The following CELF5 variants were observed in gnomAD, a reference collection of about 807,000 sequenced individuals.
CELF5 encodes the protein CUG-BP and ETR-3 like factor 5.
Under a neutral mutation model 54.9 loss-of-function variants are expected in CELF5, and 6 were observed. That is an observed-to-expected ratio of 0.11 (90% CI 0.06 to 0.22). CELF5 has a LOEUF of 0.22. CELF5 is among the 10% of genes least tolerant of loss of function. The probability of loss-of-function intolerance (pLI) is 1.00; values close to 1 mark genes in which losing one functional copy is unlikely to be tolerated. For synonymous variants in CELF5, 271 were observed against 290.9 expected (o/e 0.93, Z 0.70); for missense variants, 401 against 678.6 (o/e 0.59, Z 4.54).
chr19:3,249,050 C>G (rs1012404898), intron 1 of CELF5, among the ~76,000 whole-genome samples: 3 of 151,966 alleles, frequency 2.0e-5, no homozygotes, highest in Non-Finnish European at 4.4e-5. Context: ...TTCCCTACCC[C>G]CTCCCCACCA....
At chr19:3,226,254 TTGAATGAATGAATTGAA>T (rs1024713345) in intron 1 of CELF5, among the ~76,000 whole-genome samples, 1 of 143,096 alleles carries the variant, frequency 7.0e-6, no homozygotes, top group Admixed American at 7.4e-5. Context: ...TGCATGTTTA[TTGAATGAATGAATTGAA>T]TGAATGAATG....
At chr19:3,250,890 TGG>T in intron 1 of CELF5, 93 bp from the exon 2 acceptor site, 3 of 560,016 alleles carry the variant, frequency 5.4e-6, no homozygotes, top group Non-Finnish European at 9.2e-6. Flanking sequence ...GATGGAAGCT[TGG>T]GTTGCTTCCA....
chr19:3,256,921 A>C (rs569976510), intron 2 of CELF5, among the ~76,000 whole-genome samples: 1 of 152,054 alleles, frequency 6.6e-6, no homozygotes, highest in Non-Finnish European at 1.5e-5. Context: ...GTTGGAGTGC[A>C]GTGGCACAAT....
chr19:3,246,140 G>T (rs1599406994), intron 1 of CELF5, among the ~76,000 whole-genome samples: 1 of 152,296 alleles, frequency 6.6e-6, no homozygotes, highest in East Asian at 1.9e-4. Flanking sequence ...ACGGCGGGTG[G>T]ATCACTTGAG....
chr19:3,269,489 C>T (rs1330586126), intron 2 of CELF5, among the ~76,000 whole-genome samples: 1 of 152,138 alleles, frequency 6.6e-6, no homozygotes, highest in African/African-American at 2.4e-5. Context: ...CTCCTCTGAA[C>T]CTCTACTCTT....
chr19:3,277,472 A>G (rs1294644464), intron 4 of CELF5, among the ~76,000 whole-genome samples: 3 of 151,984 alleles, frequency 2.0e-5, no homozygotes, highest in Non-Finnish European at 4.4e-5. Flanking sequence ...ACTCTGACTC[A>G]AAAAAAGAAA....
At chr19:3,227,394 A>C (rs1285569857) in intron 1 of CELF5, among the ~76,000 whole-genome samples, 2 of 151,910 alleles carry the variant, frequency 1.3e-5, no homozygotes, top group Non-Finnish European at 2.9e-5. Flanking sequence ...CACCAACATG[A>C]CCTTATTAGG....
chr19:3,236,612 C>T (rs1486312432), intron 1 of CELF5, among the ~76,000 whole-genome samples: 1 of 152,060 alleles, frequency 6.6e-6, no homozygotes, highest in African/African-American at 2.4e-5. Flanking sequence ...TCTCTGTTTC[C>T]CCACCACCAT....
intron 1 of CELF5, among the ~76,000 whole-genome samples, chr19:3,246,800 G>A (rs2079573560): frequency 6.6e-6 from 1 of 152,180 alleles, no homozygotes; most frequent in South Asian, 2.1e-4. Context: ...CCACCCATGG[G>A]AGAATGGATA....
intron 2 of CELF5, among the ~76,000 whole-genome samples, chr19:3,265,717 G>C (rs1419684160): frequency 6.6e-6 from 1 of 152,180 alleles, no homozygotes; most frequent in Non-Finnish European, 1.5e-5. Context: ...TGTGATCAAG[G>C]AGTAACCATA....
intron 11 of CELF5, among the ~76,000 whole-genome samples, chr19:3,290,693 A>G (rs2080330619): frequency 6.7e-6 from 1 of 148,246 alleles, no homozygotes; most frequent in African/African-American, 2.5e-5. Context: ...CCTCCTAAGT[A>G]GCTGGGACTA....
Position 3,250,985 on chromosome 19 carries a change from G to C in CELF5, c.260G>C (p.Gly87Ala). ...LKDPYTGMHKGCAFLTYCARD... is the reference protein window; with the variant it reads ...LKDPYTGMHKACAFLTYCARD... ...ACACCCCCGTTTCTCTCCCTTCCAGGCTGTGCCTTCCTCACCTACTGTGCC... is the reference window on the plus strand; with the variant it reads ...ACACCCCCGTTTCTCTCCCTTCCAGCCTGTGCCTTCCTCACCTACTGTGCC... The change falls in exon 2 of 13, where the codon GGC becomes GCC. Residue 87 changes from glycine to alanine, a missense_variant and splice_region_variant. Gly to Ala is a moderately conservative substitution (Grantham distance 60). Coordinates refer to ENST00000292672, the MANE Select transcript of CELF5 (RefSeq NM_021938.4). The C allele has an allele frequency of 6.2e-7, 1 of 1,613,444 alleles. No individual in the cohort carries two copies. The highest frequency in any genetic ancestry group is 8.5e-7 in the Non-Finnish European group (1 of 1,179,472).
At chr19:3,262,408 A>G (rs562175866) in intron 2 of CELF5, among the ~76,000 whole-genome samples, 2 of 152,260 alleles carry the variant, frequency 1.3e-5, no homozygotes, top group Admixed American at 6.5e-5. Flanking sequence ...TAATGGCTAC[A>G]ATATCGGACA....
intron 2 of CELF5, chr19:3,270,491 C>T (rs147637697): frequency 0.037 from 5,552 of 150,728 alleles, 123 homozygotes; most frequent in Non-Finnish European, 0.054. Context: ...CCGCCTGGCA[C>T]GCCTCCTCCC....
intron 2 of CELF5, among the ~76,000 whole-genome samples, chr19:3,256,561 A>G (rs1003488174): frequency 1.4e-4 from 20 of 142,668 alleles, no homozygotes; most frequent in Admixed American, 2.7e-4. Flanking sequence ...TATTATTATT[A>G]TTATTATTAT....
chr19:3,235,351 C>CTA (rs1333651011), intron 1 of CELF5, among the ~76,000 whole-genome samples: 1 of 151,678 alleles, frequency 6.6e-6, no homozygotes, highest in East Asian at 1.9e-4. Context: ...CTCTAACATA[C>CTA]TATATATATC....
At chr19:3,291,618 G>T (rs1381101439) in intron 11 of CELF5, among the ~76,000 whole-genome samples, 1 of 150,832 alleles carries the variant, frequency 6.6e-6, no homozygotes, top group East Asian at 1.9e-4. Flanking sequence ...GGAGCACCAG[G>T]CATGGGAAAT....
At chr19:3,244,627 CGT>C (rs1203797156) in intron 1 of CELF5, among the ~76,000 whole-genome samples, 2 of 130,602 alleles carry the variant, frequency 1.5e-5, no homozygotes, top group Non-Finnish European at 3.2e-5. Flanking sequence ...CGTGTGTGTG[CGT>C]GTGTGGTGTG....
At position 3,290,382 on chromosome 19, in the gene CELF5, G is replaced by C. The variant is rs573293925; in HGVS notation, c.1330+8G>C. 14 of 1,612,142 alleles carry C rather than the reference G, an allele frequency of 8.7e-6. No homozygotes were observed. Among genetic ancestry groups the C allele is most frequent in the Middle Eastern group, 1.7e-4 (1 of 6,054 alleles). On this transcript the variant is annotated splice_region_variant and intron_variant, in intron 11 of 12. Transcript: ENST00000292672. Reference sequence around the variant, plus strand: ...ACCAGAGCAAGTGTTTCGGTGAGTGGCCGCCGACGCCACCCCTCCCCATCC... The same window carrying C: ...ACCAGAGCAAGTGTTTCGGTGAGTGCCCGCCGACGCCACCCCTCCCCATCC...
Sources: gnomAD v4.1 joint callset for allele counts (sites outside exome capture counted in the v4.1 genomes callset) on GRCh38, gnomAD v4.1.1 for gene constraint, MANE v1.5 for transcripts, NCBI Gene and HGNC (gene_info 2026-07-23, HGNC 2026-07-21) for gene names.